Variants in TDRD3 observed in about 807,000 individuals in gnomAD.
TDRD3 encodes the protein tudor domain-containing protein 3.
TDRD3 carries 45 observed loss-of-function variants against 86.7 expected under a neutral mutation model. The observed-to-expected ratio is 0.52, with a 90% CI of 0.41 to 0.67. TDRD3 has a LOEUF of 0.67. TDRD3 is among the 30% of genes least tolerant of loss of function. The pLI is 0.00. For missense variants in TDRD3, 814 were observed against 889.0 expected (o/e 0.92, Z 1.07); for synonymous variants, 298 against 301.7 (o/e 0.99, Z 0.13).
intron 1 of TDRD3, among the ~76,000 whole-genome samples, chr13:60,407,802 T>C (rs1954269228): frequency 6.6e-6 from 1 of 152,200 alleles, no homozygotes; most frequent in African/African-American, 2.4e-5. Flanking sequence ...GCTTACAGCT[T>C]AGCACTTCAG....
chr13:60,405,993 T>G (rs1954224202), intron 1 of TDRD3, among the ~76,000 whole-genome samples: 1 of 152,236 alleles, frequency 6.6e-6, no homozygotes, highest in African/African-American at 2.4e-5. Context: ...TTCTAGGTTT[T>G]GGACTTGTAT....
intron 3 of TDRD3, 93 bp downstream of exon 3, chr13:60,444,841 C>A (rs1466160298): frequency 6.0e-6 from 4 of 661,312 alleles, no homozygotes; most frequent in East Asian, 3.5e-5. Context: ...ATAAAGACTG[C>A]AATTGCAAAA....
upstream of TDRD3, among the ~76,000 whole-genome samples, chr13:60,396,129 GTC>G (rs1352891621): frequency 2.0e-5 from 3 of 152,186 alleles, no homozygotes; most frequent in Non-Finnish European, 4.4e-5. Flanking sequence ...CAGTTCCGCA[GTC>G]TCTGCTCCAA....
At position 60,529,236 on chromosome 13, in the gene TDRD3, T is replaced by C. The variant is rs1414758096; in HGVS notation, c.1992+19T>C. On this transcript the variant is annotated intron_variant, in intron 11 of 13. Coordinates refer to ENST00000377881, the MANE Select transcript of TDRD3 (RefSeq NM_001146070.2). ...CAACAAGGTATGGATGCTTTAAAGA[T>C]ATTATACACTAATATTACGAAATGT... The C allele has an allele frequency of 1.9e-6, 3 of 1,544,618 alleles. No homozygotes were observed. Among genetic ancestry groups the C allele is most frequent in the South Asian group, 1.3e-5 (1 of 76,158 alleles).
At chr13:60,554,925 A>C (rs1433372551) in intron 12 of TDRD3, among the ~76,000 whole-genome samples, 3 of 152,222 alleles carry the variant, frequency 2.0e-5, no homozygotes, top group Admixed American at 2.0e-4. Context: ...GAATTTCAAT[A>C]AACCTAGAAA....
intron 1 of TDRD3, among the ~76,000 whole-genome samples, chr13:60,414,887 T>G (rs1954458239): frequency 2.0e-5 from 3 of 149,148 alleles, no homozygotes; most frequent in African/African-American, 2.5e-5. Flanking sequence ...CAGACAGTGG[T>G]TTTTTTTTTC....
chr13:60,397,337 C>T lies in TDRD3; in HGVS notation c.-28C>T. On this transcript the variant is annotated 5_prime_UTR_variant, in exon 1 of 14. Transcript: ENST00000377881. ...CTCCCCATCACCCCCACCCCAGCCC[C>T]CCACCACCCCCGGCCTAAGCAGCTA... The T allele has an allele frequency of 6.9e-7, 1 of 1,454,852 alleles. No homozygotes were observed. The highest frequency in any genetic ancestry group is 9.1e-7 in the Non-Finnish European group (1 of 1,098,336). 90.1% of individuals were successfully genotyped at this position (1,454,852 alleles called of 1,614,324 possible). A position where few individuals can be genotyped will look rare whatever the true frequency, so the allele number is the denominator to read the frequency against.
chr13:60,548,505 A>G (rs1024298991), intron 12 of TDRD3, among the ~76,000 whole-genome samples: 2 of 152,232 alleles, frequency 1.3e-5, no homozygotes, highest in Non-Finnish European at 2.9e-5. Context: ...CCTAATTACC[A>G]TGGAGCATAA....
intron 3 of TDRD3, among the ~76,000 whole-genome samples, chr13:60,453,008 C>A (rs749711873): frequency 6.6e-6 from 1 of 151,914 alleles, no homozygotes; most frequent in Non-Finnish European, 1.5e-5. Context: ...TTTTCTTCTA[C>A]CTGATTTGAA....
At chr13:60,486,684 G>T (rs1376594628) in intron 7 of TDRD3, among the ~76,000 whole-genome samples, 1 of 152,002 alleles carries the variant, frequency 6.6e-6, no homozygotes, top group Non-Finnish European at 1.5e-5. Flanking sequence ...AATCACCCTA[G>T]TGTTTTATTG....
chr13:60,468,760 C>T (rs1206849051), intron 5 of TDRD3, among the ~76,000 whole-genome samples: 2 of 152,146 alleles, frequency 1.3e-5, no homozygotes, highest in African/African-American at 4.8e-5. Flanking sequence ...AAAGCAGTAG[C>T]TCTGAACTTT....
chr13:60,524,572 T>G (rs1377425754), intron 10 of TDRD3, among the ~76,000 whole-genome samples: 1 of 152,000 alleles, frequency 6.6e-6, no homozygotes, highest in Non-Finnish European at 1.5e-5. Flanking sequence ...CTCCCACAAT[T>G]TAATAATTGA....
chr13:60,567,427 T>C, intron 12 of TDRD3, 98 bp from the exon 13 acceptor site: 1 of 1,514,052 alleles, frequency 6.6e-7, no homozygotes, highest in Non-Finnish European at 9.1e-7. Context: ...CAGGGCAGCT[T>C]AAGAGAGATA....
chr13:60,539,309 A>T (rs1031384738), intron 12 of TDRD3, among the ~76,000 whole-genome samples: 1 of 152,140 alleles, frequency 6.6e-6, no homozygotes, highest in African/African-American at 2.4e-5. Flanking sequence ...TAAGAAAGTC[A>T]TAGTTTTTAT....
chr13:60,400,099 T>G (rs781322217), intron 1 of TDRD3, among the ~76,000 whole-genome samples: 1 of 152,358 alleles, frequency 6.6e-6, no homozygotes, highest in East Asian at 1.9e-4. Flanking sequence ...TCCAGGGCTT[T>G]CTACAGAGTA....
At chr13:60,476,200 T>C (rs1216276017) in intron 5 of TDRD3, among the ~76,000 whole-genome samples, 4 of 152,214 alleles carry the variant, frequency 2.6e-5, no homozygotes, top group Admixed American at 2.6e-4. Flanking sequence ...TTAATTCTTC[T>C]TGAGTTAATG....
chr13:60,438,753 G>A (rs1301661733), intron 1 of TDRD3, among the ~76,000 whole-genome samples: 3 of 152,060 alleles, frequency 2.0e-5, no homozygotes, highest in African/African-American at 7.2e-5. Flanking sequence ...TGGTGGAATT[G>A]CTGTTCATCA....
intron 12 of TDRD3, among the ~76,000 whole-genome samples, chr13:60,542,788 CATT>C (rs1036892682): frequency 6.6e-6 from 1 of 152,122 alleles, no homozygotes; most frequent in African/African-American, 2.4e-5. Context: ...GTTTCCTAAA[CATT>C]ATATCCTTTT....
chr13:60,510,871 A>G (rs1206364843), intron 10 of TDRD3, 116 bp downstream of exon 10: 1 of 1,015,126 alleles, frequency 9.9e-7, no homozygotes, highest in Non-Finnish European at 1.3e-6. Flanking sequence ...GTGTAAAACA[A>G]CTATAATATG....
Sources: allele counts gnomAD v4.1 joint callset (sites outside exome capture counted in the v4.1 genomes callset), GRCh38; gene constraint gnomAD v4.1.1; transcripts MANE v1.5; gene names NCBI Gene and HGNC (gene_info 2026-07-23, HGNC 2026-07-21).